Variants in AP3D1 observed in about 807,000 individuals in gnomAD.
AP3D1 encodes adaptor related protein complex 3 subunit delta 1.
In AP3D1, 51 loss-of-function variants were observed where a neutral mutation model predicts 147.6. That is an observed-to-expected ratio of 0.35 (90% CI 0.28 to 0.44). The LOEUF is 0.44. AP3D1 is among the 20% of genes least tolerant of loss of function. The pLI is 1.00. For missense variants in AP3D1, 1,421 were observed against 1,624.2 expected (o/e 0.87, Z 2.15); for synonymous variants, 760 against 663.0 (o/e 1.15, Z -2.25).
upstream of AP3D1, among the ~76,000 whole-genome samples, chr19:2,152,657 C>T (rs553237526): frequency 6.6e-6 from 1 of 152,162 alleles, no homozygotes; most frequent in African/African-American, 2.4e-5. Context: ...GCAGGTGGAT[C>T]ATGAGGTCAG....
chr19:2,121,088 T>C lies in AP3D1; in HGVS notation c.1255A>G (p.Ile419Val), dbSNP rs1412727674. The change falls in exon 14 of 32, where the codon ATC (isoleucine) becomes GTC (valine). Residue 419 changes from isoleucine (I) to valine (V), a missense_variant. Physicochemically the swap from Ile to Val is conservative, Grantham distance 29. Transcript: ENST00000643116. Reference protein sequence around the residue: ...YQYITNFEWYISILVELTRLE... With the variant: ...YQYITNFEWYVSILVELTRLE... ...CGGGTCAGCTCCACCAGGATGCTGA[T>C]GTACCTGTGGGGCAGAGGCGGTGAG... 6.2e-7 allele frequency: 1 copy of C among 1,613,698 alleles called. No individual in the cohort carries two copies. The highest frequency in any genetic ancestry group is 8.5e-7 in the Non-Finnish European group (1 of 1,179,966).
At position 2,107,134 on chromosome 19, in the gene AP3D1, G is replaced by A. The variant is rs550047047; in HGVS notation, c.3552+1553C>T. Among the ~76,000 whole-genome samples, 46 of 151,812 alleles carry A rather than the reference G, an allele frequency of 3.0e-4. 1 individual carries two copies. In the South Asian group the frequency reaches 9.2e-3, roughly 30 times the overall value. ...AAAAATTAGCCGGATGTGGTGGCGG[G>A]CGCTTGTATTCCCAGCTACTGCGGA... On this transcript the variant is annotated intron_variant, in intron 31 of 31. Coordinates refer to ENST00000643116, the MANE Select transcript of AP3D1 (RefSeq NM_001261826.3).
In AP3D1 at chr19:2,115,260, G is replaced by A; in HGVS notation, c.2308C>T (p.Pro770Ser). The A allele has an allele frequency of 6.2e-7, 1 of 1,613,518 alleles. No individual in the cohort carries two copies. Among genetic ancestry groups the A allele is most frequent in the South Asian group, 1.1e-5 (1 of 91,080 alleles). Residue 770 changes from proline to serine, a missense_variant, in exon 20 of 32, where the codon CCT becomes TCT. Pro to Ser is a moderately conservative substitution (Grantham distance 74). Around this residue, in one of 6 missense-constraint regions of AP3D1, gnomAD observed 791 missense variants for 761.4 expected, o/e 1.04. Transcript: ENST00000643116. ...GTGACGATGTCCACCTGCTGGGCAG[G>A]GGCGATGTCCTCGTCGCTCTCCGTG... ...LPTESDEDIA[P>S]AQQVDIVTEE...
intron 4 of AP3D1, among the ~76,000 whole-genome samples, chr19:2,133,234 C>T (rs1163355565): frequency 6.6e-6 from 1 of 152,168 alleles, no homozygotes; most frequent in Non-Finnish European, 1.5e-5. Flanking sequence ...GGCCCAGGAA[C>T]AGCTCCCATG....
intron 3 of AP3D1, 102 bp from the exon 4 acceptor site, chr19:2,137,193 A>G (rs1313246570): frequency 2.0e-6 from 2 of 1,023,168 alleles, no homozygotes; most frequent in East Asian, 2.6e-5. Context: ...CCAGCCCAGA[A>G]GCAACACCCT....
At chr19:2,113,197 A>G in intron 23 of AP3D1, 139 bp downstream of exon 23, 1 of 640,448 alleles carries the variant, frequency 1.6e-6, no homozygotes, top group Non-Finnish European at 2.7e-6. Context: ...CCCCGGCTCC[A>G]CTCAGTGCTG....
chr19:2,137,905 G>A, intron 2 of AP3D1, 98 bp from the exon 3 acceptor site: 2 of 1,086,104 alleles, frequency 1.8e-6, no homozygotes, highest in Non-Finnish European at 2.8e-6. Flanking sequence ...ACACGGTGCT[G>A]GAACAGACTC....
chr19:2,139,764 G>A (rs954465473), intron 1 of AP3D1, among the ~76,000 whole-genome samples: 8 of 152,178 alleles, frequency 5.3e-5, no homozygotes, highest in African/African-American at 1.2e-4. Context: ...CCCCTACGTC[G>A]GGATGCAATG....
intron 8 of AP3D1, 77 bp from the exon 9 acceptor site, chr19:2,127,278 A>C (rs2145095206): frequency 4.2e-5 from 64 of 1,512,240 alleles, no homozygotes; most frequent in Non-Finnish European, 5.6e-5. Flanking sequence ...CCGGCAGCTC[A>C]GCTGGAGACG....
At chr19:2,135,534 TCAAAACAAAA>T (rs745553858) in intron 4 of AP3D1, among the ~76,000 whole-genome samples, 7 of 151,454 alleles carry the variant, frequency 4.6e-5, no homozygotes, top group Non-Finnish European at 1.0e-4. Flanking sequence ...AGACTCAGTC[TCAAAACAAAA>T]CAAAACAAAA....
At chr19:2,111,238 A>G in intron 26 of AP3D1, 47 bp downstream of exon 26, 8 of 1,610,516 alleles carry the variant, frequency 5.0e-6, no homozygotes, top group South Asian at 1.1e-5. Context: ...CCCATGCCAA[A>G]GAGTGTGGGC....
intron 20 of AP3D1, 46 bp from the exon 21 acceptor site, chr19:2,114,867 C>T (rs1232185437): frequency 5.0e-6 from 8 of 1,598,060 alleles, no homozygotes; most frequent in Non-Finnish European, 6.9e-6. Context: ...GCCCTTGTGG[C>T]CTGGTGGAAC....
chr19:2,151,662 A>T (rs544062654), upstream of AP3D1: 1 of 152,738 alleles, frequency 6.5e-6, no homozygotes, highest in Non-Finnish European at 1.5e-5. Context: ...CGGCAGGGAG[A>T]CGCTGCGTTT....
intron 1 of AP3D1, among the ~76,000 whole-genome samples, chr19:2,157,552 TCCATCTAC>T (rs1208586434): frequency 2.1e-5 from 3 of 144,040 alleles, no homozygotes; most frequent in Non-Finnish European, 3.0e-5. Flanking sequence ...CATCCATCCA[TCCATCTAC>T]CCATCTACCC....
Position 2,129,218 on chromosome 19 carries a change from G to C in AP3D1, c.733-55C>G, listed in dbSNP as rs375793793. ...GCAGGGAATGCCCCACGCAGGGTGAGGGACAGGGGGGGCCTCGGTCACCCG... is the reference window on the plus strand; with the variant it reads ...GCAGGGAATGCCCCACGCAGGGTGACGGACAGGGGGGGCCTCGGTCACCCG... On this transcript the variant is annotated intron_variant, in intron 7 of 31. Transcript: ENST00000643116. 2.4e-4 allele frequency: 385 copies of C among 1,609,018 alleles called. No homozygotes were observed. The African/African-American group carries it at 3.1e-3, about 13-fold the overall frequency.
rs747829026 is a variant in AP3D1 at position 2,109,149 on chromosome 19, C to T, written c.3409G>A (p.Asp1137Asn). The change falls in exon 30 of 32, where the codon GAT becomes AAT. Residue 1137 changes from aspartate (D) to asparagine (N), a missense_variant. Coordinates refer to ENST00000643116, the MANE Select transcript of AP3D1 (RefSeq NM_001261826.3). ...TTCTGGAAGGACATCCGAATGCCATCGACTTTGATTGAGCTCATGCTCAAG... is the reference window on the plus strand; with the variant it reads ...TTCTGGAAGGACATCCGAATGCCATTGACTTTGATTGAGCTCATGCTCAAG... ...GDLSMSSIKV[D>N]GIRMSFQNLL... 8.1e-6 allele frequency: 13 copies of T among 1,609,586 alleles called. No homozygotes were observed. The highest frequency in any genetic ancestry group is 2.7e-5 in the African/African-American group (2 of 74,620).
intron 1 of AP3D1, among the ~76,000 whole-genome samples, chr19:2,139,464 CA>C: frequency 6.6e-6 from 1 of 152,336 alleles, no homozygotes; most frequent in East Asian, 1.9e-4. Context: ...CCATCAAGGA[CA>C]ATTCTGACCC....
At chr19:2,147,200 G>A (rs2019378592) in intron 1 of AP3D1, among the ~76,000 whole-genome samples, 1 of 152,058 alleles carries the variant, frequency 6.6e-6, no homozygotes, top group African/African-American at 2.4e-5. Flanking sequence ...CAAAAAATTA[G>A]CCGGGGTGGT....
At chr19:2,129,584 G>C in intron 6 of AP3D1, 127 bp from the exon 7 acceptor site, 1 of 1,172,962 alleles carries the variant, frequency 8.5e-7, no homozygotes, top group Non-Finnish European at 1.2e-6. Flanking sequence ...CCCTGGCTCT[G>C]CCACCTCCTC....
Sources: gnomAD v4.1 joint callset for allele counts (sites outside exome capture counted in the v4.1 genomes callset) on GRCh38, gnomAD v4.1.1 for gene constraint, gnomAD v4.1.1 regional missense constraint, MANE v1.5 for transcripts, NCBI Gene and HGNC (gene_info 2026-07-23, HGNC 2026-07-21) for gene names.